The following HTRA1 variants were observed in gnomAD, a reference collection of about 807,000 sequenced individuals.
The protein encoded by HTRA1 is serine protease HTRA1.
In HTRA1, 26 loss-of-function variants were observed where a neutral mutation model predicts 49.7. The ratio of observed to expected loss-of-function variants is 0.52; its 90% CI spans 0.38 to 0.73. HTRA1 has a LOEUF of 0.73. HTRA1 is among the 30% of genes least tolerant of loss of function. HTRA1 has a pLI of 0.00. For synonymous variants in HTRA1, 291 were observed against 286.9 expected, an observed-to-expected ratio of 1.01 and a Z score of -0.14; for missense variants, 561 against 667.2, an observed-to-expected ratio of 0.84 and a Z score of 1.75.
chr10:122,475,936 G>A (rs970700201), intron 1 of HTRA1, among the ~76,000 whole-genome samples: 4 of 152,182 alleles, frequency 2.6e-5, no homozygotes, highest in Non-Finnish European at 4.4e-5. Context: ...TTAATGGAGC[G>A]GGCCAGACAG....
rs895196787 is a variant in HTRA1 at position 122,487,318 on chromosome 10, G to C, written c.473-1584G>C. Among the ~76,000 whole-genome samples, 2 of 152,130 alleles carry C rather than the reference G, an allele frequency of 1.3e-5. No individual in the cohort carries two copies. Among genetic ancestry groups the C allele is most frequent in the Non-Finnish European group, 2.9e-5 (2 of 68,030 alleles). The stretch of plus-strand genomic sequence containing the variant: ...CTGCTTTAGCAGAGACTTGTTAAGA[G>C]GTAGCAGCAGGTGGCAAGATTAGGA... On this transcript the variant is annotated intron_variant, in intron 1 of 8. Transcript: ENST00000368984. The surrounding 1 kb of genome is among the most constrained non-coding windows in gnomAD (Gnocchi z 4.8).
chr10:122,496,658 A>G (rs1447927314), intron 3 of HTRA1, among the ~76,000 whole-genome samples: 1 of 152,174 alleles, frequency 6.6e-6, no homozygotes, highest in Non-Finnish European at 1.5e-5. Flanking sequence ...TAGTGTAGGC[A>G]GGGAATCTTA....
intron 1 of HTRA1, among the ~76,000 whole-genome samples, chr10:122,477,872 C>T (rs1362632396): frequency 1.3e-5 from 2 of 150,894 alleles, no homozygotes; most frequent in Non-Finnish European, 2.9e-5. Flanking sequence ...TATGCTCCTG[C>T]CTTTGAAAGA....
intron 1 of HTRA1, among the ~76,000 whole-genome samples, chr10:122,466,062 T>G (rs1283723940): frequency 6.6e-6 from 1 of 152,116 alleles, no homozygotes; most frequent in African/African-American, 2.4e-5. Flanking sequence ...CTGCTCCTGG[T>G]CTCACCCCAG....
chr10:122,500,676 C>G (rs894396303), intron 3 of HTRA1, among the ~76,000 whole-genome samples: 1 of 152,126 alleles, frequency 6.6e-6, no homozygotes, highest in Non-Finnish European at 1.5e-5. Flanking sequence ...CACTTCTGCC[C>G]CACCTTGGTT....
At chr10:122,500,712 C>T (rs758162105) in intron 3 of HTRA1, among the ~76,000 whole-genome samples, 2 of 152,164 alleles carry the variant, frequency 1.3e-5, no homozygotes, top group Non-Finnish European at 2.9e-5. Flanking sequence ...GCCTGAGGCG[C>T]GCTGTCAACC....
intron 1 of HTRA1, among the ~76,000 whole-genome samples, chr10:122,476,789 G>T (rs923852906): frequency 6.6e-6 from 1 of 152,012 alleles, no homozygotes; most frequent in African/African-American, 2.4e-5. Flanking sequence ...AGCCCTGACT[G>T]CATTCGCTCT....
chr10:122,514,332 A>G lies in HTRA1; in HGVS notation c.1416A>G (p.Thr472=). The part of the protein sequence containing the change: ...VRRGNEDIMI[T]VIPEEIDP ...GGGGTAATGAAGATATCATGATCACAGTGATTCCCGAAGAAATTGACCCAT... is the reference window on the plus strand; with the variant it reads ...GGGGTAATGAAGATATCATGATCACGGTGATTCCCGAAGAAATTGACCCAT... The change falls in exon 9 of 9, where the codon ACA becomes ACG. Residue 472 remains threonine, a synonymous_variant. Transcript: ENST00000368984. 6.2e-7 allele frequency: 1 copy of G among 1,614,150 alleles called. No individual in the cohort carries two copies.
At chr10:122,481,027 C>G (rs901618279) in intron 1 of HTRA1, among the ~76,000 whole-genome samples, 7 of 152,268 alleles carry the variant, frequency 4.6e-5, no homozygotes, top group Middle Eastern at 3.4e-3. Context: ...GCTGTGAACT[C>G]TTTGCTCACC....
intron 3 of HTRA1, among the ~76,000 whole-genome samples, chr10:122,502,396 A>G (rs1173373744): frequency 6.6e-6 from 1 of 152,178 alleles, no homozygotes; most frequent in East Asian, 1.9e-4. Flanking sequence ...CATTACTCCC[A>G]CTACCTGGTC....
At chr10:122,462,173 C>T (rs1276850621) in intron 1 of HTRA1, 49 bp downstream of exon 1, 1 of 1,427,700 alleles carries the variant, frequency 7.0e-7, no homozygotes, top group Non-Finnish European at 9.5e-7. Flanking sequence ...CATCCCAGCT[C>T]GGACCTGCTT....
chr10:122,505,514 C>A (rs1244565306), intron 3 of HTRA1, among the ~76,000 whole-genome samples: 1 of 152,158 alleles, frequency 6.6e-6, no homozygotes, highest in African/African-American at 2.4e-5. Flanking sequence ...CACCCAGAAT[C>A]TTGGACCCTC....
At position 122,497,864 on chromosome 10, in the gene HTRA1, A is replaced by C. The variant is rs574102082; in HGVS notation, c.777+8238A>C. 2.6e-5 allele frequency among the ~76,000 whole-genome samples: 4 copies of C among 152,302 alleles called. No homozygotes were observed. In the East Asian group the frequency reaches 7.7e-4, roughly 29 times the overall value. ...CAGCCACTCTGAAGTTGGTGGATGA[A>C]AGGGGATGCATCAAAGGCGCTGATG... On this transcript the variant is annotated intron_variant, in intron 3 of 8. Transcript: ENST00000368984.
chr10:122,469,693 T>TC (rs1270267337), intron 1 of HTRA1, among the ~76,000 whole-genome samples: 1 of 152,132 alleles, frequency 6.6e-6, no homozygotes, highest in African/African-American at 2.4e-5. Context: ...TATCCTTGCT[T>TC]CCTAGCTGAG....
chr10:122,469,398 A>G (rs574995313), intron 1 of HTRA1, among the ~76,000 whole-genome samples: 1 of 152,314 alleles, frequency 6.6e-6, no homozygotes, highest in South Asian at 2.1e-4. Context: ...AGACGGATGG[A>G]CACAGTTGGG....
At position 122,462,024 on chromosome 10, in the gene HTRA1, C is replaced by T; in HGVS notation, c.372C>T (p.Asn124=). 6.5e-7 allele frequency: 1 copy of T among 1,532,582 alleles called. No homozygotes were observed. The highest frequency in any genetic ancestry group is 8.7e-7 in the Non-Finnish European group (1 of 1,146,042). 94.9% of individuals were successfully genotyped at this position (1,532,582 alleles called of 1,614,324 possible). Residue 124 remains asparagine (N), a synonymous_variant, in exon 1 of 9, where the codon AAC becomes AAT. Transcript: ENST00000368984. ...SSEPVCGSDA[N]TYANLCQLRA... is the part of the protein sequence containing the mutation. Reference sequence around the variant, plus strand: ...AGCCGGTGTGCGGCAGCGACGCCAACACCTACGCCAACCTGTGCCAGCTGC... The same window carrying T: ...AGCCGGTGTGCGGCAGCGACGCCAATACCTACGCCAACCTGTGCCAGCTGC...
chr10:122,506,890 G>A lies in HTRA1; in HGVS notation c.972+5G>A. On this transcript the variant is annotated splice_donor_5th_base_variant and intron_variant, in intron 4 of 8. Transcript: ENST00000368984. The surrounding 1 kb of genome is among the most constrained non-coding windows in gnomAD (Gnocchi z 5.2). ...CAGACCGACGCCATCATCAACGTGA[G>A]CCTCTGTCCCTCTGCGGGTGGGGAT... 6.2e-7 allele frequency: 1 copy of A among 1,613,052 alleles called. No homozygotes were observed. The highest frequency in any genetic ancestry group is 8.5e-7 in the Non-Finnish European group (1 of 1,179,722).
rs908929379 is a variant in HTRA1, at chr10:122,490,190, A to C, written c.777+564A>C. On this transcript the variant is annotated intron_variant, in intron 3 of 8. Coordinates refer to ENST00000368984, the MANE Select transcript of HTRA1 (RefSeq NM_002775.5). The surrounding 1 kb of genome is among the most constrained non-coding windows in gnomAD (Gnocchi z 4.2). ...CAGAGCTAATGGATTTCTTCTTTCC[A>C]GACCTTCTCAGAGCTTTTAGTATGC... Among the ~76,000 whole-genome samples the C allele has an allele frequency of 1.3e-5, 2 of 152,230 alleles. No individual in the cohort carries two copies. Among genetic ancestry groups the C allele is most frequent in the Non-Finnish European group, 2.9e-5 (2 of 68,040 alleles).
intron 1 of HTRA1, among the ~76,000 whole-genome samples, chr10:122,477,205 G>C (rs1432930804): frequency 1.3e-5 from 2 of 152,042 alleles, no homozygotes; most frequent in African/African-American, 4.8e-5. Context: ...CTGACCTCAT[G>C]ATCTGCCCAC....
Sources: gnomAD v4.1 joint callset for allele counts (sites outside exome capture counted in the v4.1 genomes callset) on GRCh38, gnomAD v4.1.1 for gene constraint, Gnocchi (gnomAD v3.1) non-coding constraint, MANE v1.5 for transcripts, NCBI Gene and HGNC (gene_info 2026-07-23, HGNC 2026-07-21) for gene names.